Variants in ZNF600 observed in about 807,000 individuals in gnomAD.
ZNF600 encodes zinc finger protein KR-ZNF1.
Under a neutral mutation model 7.3 loss-of-function variants are expected in ZNF600, and 4 were observed. That is an observed-to-expected ratio of 0.55 (90% CI 0.27 to 1.25). ZNF600 has a LOEUF of 1.25. Among genes scored for constraint, ZNF600 ranks in the 50% most tolerant of loss-of-function variants. ZNF600 has a pLI of 0.12. For synonymous variants in ZNF600, 290 were observed against 308.9 expected (o/e 0.94, Z 0.64); for missense variants, 911 against 922.1 (o/e 0.99, Z 0.16).
the ZNF600 span, among the ~76,000 whole-genome samples, chr19:52,826,365 G>A: frequency 3.3e-5 from 5 of 152,014 alleles, no homozygotes; most frequent in Non-Finnish European, 7.4e-5. Context: ...GAGTTCAGAG[G>A]TCTGAGACCA....
chr19:52,796,271 G>C, the ZNF600 span, among the ~76,000 whole-genome samples: 3 of 152,198 alleles, frequency 2.0e-5, no homozygotes, highest in African/African-American at 4.8e-5. Flanking sequence ...TCCTGACGAT[G>C]TGTGCCCAAG....
chr19:52,789,775 T>A (rs1048608156), upstream of ZNF600, among the ~76,000 whole-genome samples: 10 of 152,184 alleles, frequency 6.6e-5, no homozygotes, highest in African/African-American at 2.2e-4. Flanking sequence ...TACACTTTAA[T>A]GAGCATTCGT....
chr19:52,822,051 A>ACAT, the ZNF600 span, among the ~76,000 whole-genome samples: 15 of 142,138 alleles, frequency 1.1e-4, no homozygotes, highest in African/African-American at 3.8e-4. Flanking sequence ...CTTTTTATTT[A>ACAT]CATTTTTTTC....
intron 2 of ZNF600, among the ~76,000 whole-genome samples, 152 bp downstream of exon 4, chr19:52,778,674 G>C (rs184297205): frequency 3.0e-4 from 46 of 152,310 alleles, no homozygotes; most frequent in African/African-American, 1.0e-3. Flanking sequence ...TGGAATCTCG[G>C]AGCAGCTGAG....
chr19:52,812,741 G>GCC, the ZNF600 span, among the ~76,000 whole-genome samples: 2 of 78,264 alleles, frequency 2.6e-5, no homozygotes, highest in Admixed American at 1.9e-4. Flanking sequence ...CCCTCTGCGA[G>GCC]AAACACCCAA....
At chr19:52,801,652 T>C in the ZNF600 span, 2 of 1,612,786 alleles carry the variant, frequency 1.2e-6, no homozygotes, top group East Asian at 2.2e-5. Context: ...GCTTCTGTAT[T>C]GCCTTGCCCT....
At chr19:52,813,421 C>CTGGGTTGAGACAGAGAAT in the ZNF600 span, among the ~76,000 whole-genome samples, 24 of 148,294 alleles carry the variant, frequency 1.6e-4, no homozygotes, top group South Asian at 6.6e-4. Context: ...GCAAGCTGCT[C>CTGGGTTGAGACAGAGAAT]CCCGTGTTTC....
the ZNF600 span, among the ~76,000 whole-genome samples, chr19:52,830,236 C>T: frequency 6.6e-6 from 1 of 152,126 alleles, no homozygotes; most frequent in Admixed American, 6.6e-5. Flanking sequence ...TGCACCACTG[C>T]AGTCCAGCGT....
chr19:52,827,705 T>C, the ZNF600 span, among the ~76,000 whole-genome samples: 1,785 of 151,676 alleles, frequency 0.012, 59 homozygotes, highest in African/African-American at 0.041. Flanking sequence ...CCACCACGCC[T>C]GGCTAATTTT....
At chr19:52,799,013 C>G in the ZNF600 span, 1 of 778,592 alleles carries the variant, frequency 1.3e-6, no homozygotes, top group Non-Finnish European at 2.0e-6. Flanking sequence ...ACAAACCTTA[C>G]ATTTGTATGT....
At chr19:52,766,077 C>T (rs370525084) in exon 4 of ZNF600, 3 of 1,613,938 alleles carry the variant, frequency 1.9e-6, no homozygotes, top group African/African-American at 1.3e-5. Flanking sequence ...GAAGGTCTTG[C>T]CACACTCATT....
the ZNF600 span, among the ~76,000 whole-genome samples, chr19:52,794,844 A>T: frequency 1.3e-5 from 2 of 151,904 alleles, no homozygotes; most frequent in Admixed American, 1.3e-4. Flanking sequence ...ACAGAGTGAC[A>T]CTCTTGTCTC....
chr19:52,768,403 G>A (rs2062605982), intron 3 of ZNF600, among the ~76,000 whole-genome samples: 1 of 145,254 alleles, frequency 6.9e-6, no homozygotes, highest in Non-Finnish European at 1.5e-5. Flanking sequence ...TTGCACCTCT[G>A]CACTCCAGCC....
the ZNF600 span, among the ~76,000 whole-genome samples, chr19:52,806,443 C>T: frequency 6.6e-6 from 1 of 152,096 alleles, no homozygotes; most frequent in Non-Finnish European, 1.5e-5. Flanking sequence ...ATATGCCCAT[C>T]TCAGCCTCTC....
the ZNF600 span, among the ~76,000 whole-genome samples, chr19:52,828,317 C>T: frequency 6.6e-6 from 1 of 151,968 alleles, no homozygotes; most frequent in African/African-American, 2.4e-5. Flanking sequence ...CCCCCAAAGT[C>T]CTAGGATTAC....
chr19:52,808,046 C>T, the ZNF600 span: 11 of 1,613,608 alleles, frequency 6.8e-6, no homozygotes, highest in South Asian at 1.1e-4. Flanking sequence ...AGCATCACAT[C>T]CCTGTAAAGA....
the ZNF600 span, among the ~76,000 whole-genome samples, chr19:52,829,069 C>A: frequency 6.6e-6 from 1 of 152,066 alleles, no homozygotes; most frequent in East Asian, 1.9e-4. Context: ...TTTCACCATG[C>A]CAGCCAGGAT....
chr19:52,789,654 A>G (rs892063613), upstream of ZNF600, among the ~76,000 whole-genome samples: 2 of 152,210 alleles, frequency 1.3e-5, no homozygotes, highest in African/African-American at 4.8e-5. Context: ...TGGGAGGCCA[A>G]CATGGGAGGA....
chr19:52,786,202 GACCC>G (rs1464645394), intron 1 of ZNF600, among the ~76,000 whole-genome samples: 1 of 72,098 alleles, frequency 1.4e-5, no homozygotes, highest in Non-Finnish European at 3.5e-5. Flanking sequence ...AAGCCCCTGC[GACCC>G]ACCCCAACCC....
Sources: gnomAD v4.1 joint callset for allele counts (sites outside exome capture counted in the v4.1 genomes callset) on GRCh38, gnomAD v4.1.1 for gene constraint, MANE v1.5 for transcripts, NCBI Gene and HGNC (gene_info 2026-07-23, HGNC 2026-07-21) for gene names.